Variants in TBPL1 observed in about 807,000 individuals in gnomAD.
TBPL1 encodes the protein TATA box-binding protein-like 1.
Under a neutral mutation model 22.1 loss-of-function variants are expected in TBPL1, and 4 were observed. That is an observed-to-expected ratio of 0.18 (90% CI 0.09 to 0.41). The LOEUF (loss-of-function observed/expected upper bound fraction) is 0.41, where lower values mean the gene tolerates loss of function less well. Among genes scored for constraint, TBPL1 ranks in the 10% least tolerant of loss-of-function variants. The pLI, the probability that TBPL1 is intolerant of heterozygous loss-of-function variation, is 1.00. For synonymous variants in TBPL1, 64 were observed against 71.0 expected, an observed-to-expected ratio of 0.90 and a Z score of 0.50; for missense variants, 115 against 222.3, an observed-to-expected ratio of 0.52 and a Z score of 3.07.
At chr6:133,961,465 C>CTT (rs61695774) in intron 1 of TBPL1, among the ~76,000 whole-genome samples, 53 of 100,160 alleles carry the variant, frequency 5.3e-4, no homozygotes, top group East Asian at 1.0e-3. Context: ...TTCTTTCTTT[C>CTT]TTTTTTTTTT....
intron 1 of TBPL1, among the ~76,000 whole-genome samples, chr6:133,976,042 A>T (rs1776306826): frequency 6.6e-6 from 1 of 152,190 alleles, no homozygotes; most frequent in African/African-American, 2.4e-5. Context: ...ACAACCAGTT[A>T]AAAAAATCAT....
chr6:133,957,110 T>C (rs760584678), intron 1 of TBPL1, among the ~76,000 whole-genome samples: 1 of 152,150 alleles, frequency 6.6e-6, no homozygotes, highest in Non-Finnish European at 1.5e-5. Context: ...AATAGAGAAT[T>C]TGGTTTAAAT....
At chr6:133,981,161 CG>C (rs1325308949) in intron 2 of TBPL1, among the ~76,000 whole-genome samples, 1 of 151,808 alleles carries the variant, frequency 6.6e-6, no homozygotes, top group Admixed American at 6.6e-5. Flanking sequence ...TTAGTAGAGA[CG>C]GGGTTTCACC....
upstream of TBPL1, chr6:133,953,161 G>A (rs532439392): frequency 6.5e-6 from 1 of 152,744 alleles, no homozygotes; most frequent in African/African-American, 2.4e-5. Flanking sequence ...TCTAGCCCTC[G>A]CGCACTGTCT....
intron 1 of TBPL1, among the ~76,000 whole-genome samples, chr6:133,954,373 G>A (rs954925112): frequency 2.0e-5 from 3 of 151,930 alleles, no homozygotes; most frequent in Non-Finnish European, 4.4e-5. Flanking sequence ...TATAAAAAGA[G>A]ACATAAGAAG....
intron 1 of TBPL1, among the ~76,000 whole-genome samples, chr6:133,977,131 T>C (rs1776328668): frequency 6.6e-6 from 1 of 152,202 alleles, no homozygotes; most frequent in South Asian, 2.1e-4. Context: ...GATGAACTGA[T>C]TGCAAGTGGA....
Position 133,977,415 on chromosome 6 carries a change from T to C in TBPL1, c.-44-2667T>C, listed in dbSNP as rs150730287. On this transcript the variant is annotated intron_variant, in intron 1 of 6. Coordinates refer to ENST00000237264, the MANE Select transcript of TBPL1 (RefSeq NM_004865.4). The stretch of plus-strand genomic sequence containing the variant: ...TTCTTTTTTGCATTCACACAGATTT[T>C]CTTTACCCCTTTTTTTCTTGACTTA... Among the ~76,000 whole-genome samples, 1,283 of 152,310 alleles carry C rather than the reference T, an allele frequency of 8.4e-3. 37 individuals are homozygous for C. Among genetic ancestry groups the C allele is most frequent in the Admixed American group, 0.062 (949 of 15,292 alleles).
At chr6:133,965,869 TC>T (rs1490207635) in intron 1 of TBPL1, among the ~76,000 whole-genome samples, 1 of 152,190 alleles carries the variant, frequency 6.6e-6, no homozygotes, top group African/African-American at 2.4e-5. Context: ...TGAATGCTTG[TC>T]ATGTGCAAGT....
At chr6:133,975,638 A>G (rs1004439759) in intron 1 of TBPL1, among the ~76,000 whole-genome samples, 2 of 152,230 alleles carry the variant, frequency 1.3e-5, no homozygotes, top group African/African-American at 4.8e-5. Flanking sequence ...CAATAACTAA[A>G]TGAAGTATTA....
chr6:133,955,928 A>C (rs1458752531), intron 1 of TBPL1, among the ~76,000 whole-genome samples: 1 of 152,250 alleles, frequency 6.6e-6, no homozygotes, highest in African/African-American at 2.4e-5. Flanking sequence ...GAACACATAT[A>C]AAATGCAGAA....
intron 2 of TBPL1, 101 bp downstream of exon 2, chr6:133,980,361 T>TCA: frequency 2.3e-6 from 3 of 1,328,406 alleles, no homozygotes; most frequent in Non-Finnish European, 3.0e-6. Context: ...TATGAGCACC[T>TCA]TACCATGTGC....
intron 1 of TBPL1, among the ~76,000 whole-genome samples, chr6:133,963,805 C>T (rs958964386): frequency 8.0e-5 from 12 of 149,180 alleles, no homozygotes; most frequent in Admixed American, 3.3e-4. Context: ...CTGAGGCGGG[C>T]GGATCACAAG....
chr6:133,987,204 T>C lies in TBPL1; in HGVS notation c.*164T>C. ...GTCCCTTTGGATTTTATTCCAAACC[T>C]TGCTGTAATATAAAAGGAAGTTTAC... On this transcript the variant is annotated 3_prime_UTR_variant, in exon 7 of 7. Coordinates refer to ENST00000237264, the MANE Select transcript of TBPL1 (RefSeq NM_004865.4). The C allele has an allele frequency of 2.2e-6, 1 of 455,332 alleles. No homozygotes were observed. Among genetic ancestry groups the C allele is most frequent in the Non-Finnish European group, 3.9e-6 (1 of 257,522 alleles). The allele number at this position is 455,332 out of a possible 1,614,324, so 28.2% of individuals were successfully genotyped here. A position where few individuals can be genotyped will look rare whatever the true frequency, so the allele number is the denominator to read the frequency against.
intron 1 of TBPL1, among the ~76,000 whole-genome samples, chr6:133,965,257 C>G (rs953569493): frequency 6.6e-6 from 1 of 152,072 alleles, no homozygotes; most frequent in African/African-American, 2.4e-5. Flanking sequence ...AGAGATGAAA[C>G]TTTTTAGCTT....
intron 1 of TBPL1, among the ~76,000 whole-genome samples, chr6:133,956,587 CCT>C (rs1562654207): frequency 6.6e-6 from 1 of 152,046 alleles, no homozygotes; most frequent in Non-Finnish European, 1.5e-5. Flanking sequence ...ATGTCCCTGC[CCT>C]GTGTGTGTAT....
rs200249148 is a variant in TBPL1 at position 133,987,648 on chromosome 6, G to GTGTGTGTATATATATA, written c.*609_*610insGTGTGTATATATATAT. The GTGTGTGTATATATATA allele has an allele frequency of 1.1e-5, 1 of 88,320 alleles. No homozygotes were observed. Among genetic ancestry groups the GTGTGTGTATATATATA allele is most frequent in the Non-Finnish European group, 2.8e-5 (1 of 35,238 alleles). 5.5% of individuals were successfully genotyped at this position (88,320 alleles called of 1,614,324 possible). On this transcript the variant is annotated 3_prime_UTR_variant, in exon 7 of 7. Coordinates refer to ENST00000237264, the MANE Select transcript of TBPL1 (RefSeq NM_004865.4). ...TTTGTGTGTGTGTGTGTGTGTGTGT[G>GTGTGTGTATATATATA]TATATATATATATATATATGCACCA...
intron 6 of TBPL1, among the ~76,000 whole-genome samples, chr6:133,985,558 A>G (rs1776504432): frequency 1.3e-5 from 2 of 151,968 alleles, no homozygotes; most frequent in South Asian, 2.1e-4. Flanking sequence ...CTAGGCATTC[A>G]TGTCAGAGAG....
chr6:133,980,071 T>C lies in TBPL1; in HGVS notation c.-44-11T>C. ...TTAAGTTTAATGACTTTATTTTGTT[T>C]TATTTCTCAGGATGTGATCTTCGTG... On this transcript the variant is annotated splice_polypyrimidine_tract_variant and intron_variant, in intron 1 of 6. Transcript: ENST00000237264. The C allele has an allele frequency of 7.1e-7, 1 of 1,400,816 alleles. No individual in the cohort carries two copies. The highest frequency in any genetic ancestry group is 9.3e-7 in the Non-Finnish European group (1 of 1,071,028). 86.8% of individuals were successfully genotyped at this position (1,400,816 alleles called of 1,614,324 possible). A position where few individuals can be genotyped will look rare whatever the true frequency, so the allele number is the denominator to read the frequency against.
intron 6 of TBPL1, among the ~76,000 whole-genome samples, chr6:133,986,675 T>C (rs549035719): frequency 1.3e-5 from 2 of 152,332 alleles, no homozygotes; most frequent in East Asian, 1.9e-4. Context: ...CATGTACATA[T>C]TATATTACAG....
Sources: gnomAD v4.1 joint callset for allele counts (sites outside exome capture counted in the v4.1 genomes callset) on GRCh38, gnomAD v4.1.1 for gene constraint, MANE v1.5 for transcripts, NCBI Gene and HGNC (gene_info 2026-07-23, HGNC 2026-07-21) for gene names.